The following ZMAT4 variants were observed in gnomAD, a reference collection of about 807,000 sequenced individuals.
ZMAT4 encodes zinc finger matrin-type protein 4.
In ZMAT4, 17 loss-of-function variants were observed where a neutral mutation model predicts 28.7. The ratio of observed to expected loss-of-function variants is 0.59; its 90% CI spans 0.41 to 0.89. ZMAT4 has a LOEUF of 0.89. ZMAT4 is among the 40% of genes least tolerant of loss of function. The pLI is 0.00. For synonymous variants in ZMAT4, 117 were observed against 109.2 expected (o/e 1.07, Z -0.44); for missense variants, 240 against 283.8 (o/e 0.85, Z 1.11).
chr8:40,631,585 T>TGAA (rs1806585012), intron 5 of ZMAT4, among the ~76,000 whole-genome samples: 1 of 152,238 alleles, frequency 6.6e-6, no homozygotes. Context: ...GGCCTGTTCC[T>TGAA]GCCTATTGTT....
rs189531602 is a variant in ZMAT4, at chr8:40,535,756, G to A, written c.675-3518C>T. On this transcript the variant is annotated intron_variant, in intron 6 of 6. Transcript: ENST00000297737. ...AGAAAGAAGAAAGCACTTTGACCAT[G>A]TGAGTTTGAAGGTGGTAGCTAGAGA... 5.9e-5 allele frequency among the ~76,000 whole-genome samples: 9 copies of A among 152,260 alleles called. No individual in the cohort carries two copies. The East Asian group carries it at 1.5e-3, about 26-fold the overall frequency.
intron 2 of ZMAT4, among the ~76,000 whole-genome samples, chr8:40,807,506 T>C (rs1815137157): frequency 6.6e-6 from 1 of 152,134 alleles, no homozygotes; most frequent in Non-Finnish European, 1.5e-5. Flanking sequence ...CTATGGATGA[T>C]CTAAGTGTTC....
At chr8:40,843,329 C>A (rs1816765213) in intron 1 of ZMAT4, among the ~76,000 whole-genome samples, 1 of 152,094 alleles carries the variant, frequency 6.6e-6, no homozygotes, top group Non-Finnish European at 1.5e-5. Context: ...TGACAAAGGC[C>A]CCAGATGTAC....
chr8:40,584,168 A>G (rs1023061831), intron 5 of ZMAT4, among the ~76,000 whole-genome samples: 6 of 152,126 alleles, frequency 3.9e-5, no homozygotes, highest in African/African-American at 1.4e-4. Flanking sequence ...AGGAGAATCA[A>G]TTCGCACTTC....
chr8:40,786,804 A>T (rs1208393052), intron 2 of ZMAT4: 1 of 1,197,378 alleles, frequency 8.4e-7, no homozygotes, highest in Non-Finnish European at 1.1e-6. Context: ...GGGAACAAAC[A>T]GACTGTGCTT....
At chr8:40,886,320 C>A (rs370464608) in intron 1 of ZMAT4, among the ~76,000 whole-genome samples, 30 of 152,224 alleles carry the variant, frequency 2.0e-4, no homozygotes, top group Non-Finnish European at 8.8e-5. Context: ...AATGCAGAAG[C>A]AGCTTCTCTG....
chr8:40,726,178 G>A (rs1434747208), intron 3 of ZMAT4, among the ~76,000 whole-genome samples: 1 of 152,186 alleles, frequency 6.6e-6, no homozygotes, highest in Non-Finnish European at 1.5e-5. Context: ...TGCACAGACT[G>A]CCCAGATGCA....
intron 6 of ZMAT4, among the ~76,000 whole-genome samples, chr8:40,540,864 C>T (rs28694598): frequency 2.0e-3 from 299 of 152,298 alleles, no homozygotes; most frequent in African/African-American, 6.7e-3. Flanking sequence ...TCCCACTCCA[C>T]GTTGGCAGGT....
At chr8:40,601,517 G>GAA (rs1398621946) in intron 5 of ZMAT4, among the ~76,000 whole-genome samples, 4 of 142,994 alleles carry the variant, frequency 2.8e-5, no homozygotes, top group South Asian at 2.3e-4. Context: ...AAGAGAAAGA[G>GAA]AAAGAAAGAG....
chr8:40,679,229 T>A (rs1345674298), intron 4 of ZMAT4, among the ~76,000 whole-genome samples: 1 of 152,178 alleles, frequency 6.6e-6, no homozygotes, highest in East Asian at 1.9e-4. Context: ...CTGTTGGATA[T>A]GTTGTCTTGA....
chr8:40,708,936 C>T (rs984398917), intron 3 of ZMAT4, among the ~76,000 whole-genome samples: 6 of 151,718 alleles, frequency 4.0e-5, no homozygotes, highest in African/African-American at 1.2e-4. Context: ...GGCATAATCC[C>T]AGCAAACAAA....
intron 5 of ZMAT4, among the ~76,000 whole-genome samples, chr8:40,607,058 G>T (rs1221139466): frequency 6.7e-6 from 1 of 148,294 alleles, no homozygotes; most frequent in African/African-American, 2.5e-5. Flanking sequence ...CAGAAGGTGT[G>T]ATTGTTTTTT....
chr8:40,856,028 A>G (rs1817284925), intron 1 of ZMAT4, among the ~76,000 whole-genome samples: 1 of 151,960 alleles, frequency 6.6e-6, no homozygotes, highest in Non-Finnish European at 1.5e-5. Flanking sequence ...CAATTTAGTT[A>G]TCCCTGCCAC....
intron 1 of ZMAT4, among the ~76,000 whole-genome samples, chr8:40,859,701 G>A (rs949826192): frequency 6.6e-5 from 10 of 152,156 alleles, no homozygotes; most frequent in Admixed American, 5.2e-4. Flanking sequence ...TTGCCAATGG[G>A]CGGTGGAGAA....
At chr8:40,816,041 A>G (rs923592496) in intron 2 of ZMAT4, among the ~76,000 whole-genome samples, 4 of 152,136 alleles carry the variant, frequency 2.6e-5, no homozygotes, top group Non-Finnish European at 5.9e-5. Flanking sequence ...TTCCTCCAGC[A>G]TCACAGATAC....
At chr8:40,687,707 T>C (rs541832709) in intron 4 of ZMAT4, among the ~76,000 whole-genome samples, 1 of 152,214 alleles carries the variant, frequency 6.6e-6, no homozygotes, top group Non-Finnish European at 1.5e-5. Flanking sequence ...ATTTACCACA[T>C]ATACTACAGT....
At chr8:40,691,002 A>G (rs1388066331) in intron 4 of ZMAT4, 1 of 855,362 alleles carries the variant, frequency 1.2e-6, no homozygotes, top group South Asian at 5.3e-5. Flanking sequence ...TGTTGCTACC[A>G]ATCCACTTAG....
At chr8:40,596,062 A>G (rs1239707020) in intron 5 of ZMAT4, among the ~76,000 whole-genome samples, 1 of 152,198 alleles carries the variant, frequency 6.6e-6, no homozygotes, top group Non-Finnish European at 1.5e-5. Flanking sequence ...ATTGCAGTCC[A>G]GTCTGGGTGA....
chr8:40,830,180 T>C (rs1011749746), intron 1 of ZMAT4, among the ~76,000 whole-genome samples: 8 of 152,160 alleles, frequency 5.3e-5, no homozygotes, highest in Non-Finnish European at 4.4e-5. Flanking sequence ...AAAAGAGTCA[T>C]ATTCTTTTTA....
Sources: allele counts gnomAD v4.1 joint callset (sites outside exome capture counted in the v4.1 genomes callset), GRCh38; gene constraint gnomAD v4.1.1; transcripts MANE v1.5; gene names NCBI Gene and HGNC (gene_info 2026-07-23, HGNC 2026-07-21).